Variants in TCERG1 observed in about 807,000 individuals in gnomAD.
TCERG1 encodes the protein transcription elongation regulator 1, also known as TATA box binding protein (TBP)-associated factor, RNA polymerase II, S, 150kD.
In TCERG1, 37 loss-of-function variants were observed where a neutral mutation model predicts 144.7. The observed-to-expected ratio is 0.26, with a 90% CI of 0.20 to 0.34. The LOEUF (loss-of-function observed/expected upper bound fraction) is 0.34. Among genes scored for constraint, TCERG1 ranks in the 10% least tolerant of loss-of-function variants. TCERG1 has a pLI of 1.00. For missense variants in TCERG1, 1,027 were observed against 1,380.7 expected, an observed-to-expected ratio of 0.74 and a Z score of 4.06; for synonymous variants, 492 against 458.2, an observed-to-expected ratio of 1.07 and a Z score of -0.94.
chr5:146,478,710 T>C (rs1765069490), intron 10 of TCERG1, 57 bp downstream of exon 10: 3 of 1,470,246 alleles, frequency 2.0e-6, no homozygotes, highest in East Asian at 4.8e-5. Context: ...CATATTTTGA[T>C]AGAAAATGTG....
In TCERG1 at chr5:146,455,258, C is replaced by G. The variant is rs1458336171; in HGVS notation, c.262C>G (p.Pro88Ala). Residue 88 changes from proline (P) to alanine (A), a missense_variant, in exon 2 of 23, where the codon CCT becomes GCT. Physicochemically the swap from Pro to Ala is conservative, Grantham distance 27. Transcript: ENST00000679501. Reference sequence around the variant, plus strand: ...GCCTCCTCCAGGAGGGATACCTCCACCTATGGGCCCTCCACACCTCCAGGT... The same window carrying G: ...GCCTCCTCCAGGAGGGATACCTCCAGCTATGGGCCCTCCACACCTCCAGGT... Reference protein sequence around the residue: ...PMPPPGGIPPPMGPPHLQRPP... With the variant: ...PMPPPGGIPPAMGPPHLQRPP... 1.9e-6 allele frequency: 3 copies of G among 1,614,098 alleles called. No homozygotes were observed. Among genetic ancestry groups the G allele is most frequent in the Non-Finnish European group, 2.5e-6 (3 of 1,180,048 alleles).
In TCERG1 at chr5:146,478,673, T is replaced by G; in HGVS notation, c.1762+20T>G. The G allele has an allele frequency of 6.4e-7, 1 of 1,552,126 alleles. No individual in the cohort carries two copies. Among genetic ancestry groups the G allele is most frequent in the Non-Finnish European group, 8.7e-7 (1 of 1,153,626 alleles). On this transcript the variant is annotated intron_variant, in intron 10 of 22. Coordinates refer to ENST00000679501, the MANE Select transcript of TCERG1 (RefSeq NM_001382548.1). Reference sequence around the variant, plus strand: ...AACTAAGTAAGTTTTAAATTAGGAATTTATCCACTGATTTTAACATTCTTT... The same window carrying G: ...AACTAAGTAAGTTTTAAATTAGGAAGTTATCCACTGATTTTAACATTCTTT...
Position 146,447,338 on chromosome 5 carries a change from C to G in TCERG1, c.-12C>G, listed in dbSNP as rs202159911. ...CGTCGGGTCGGCGGGTGGATGAACG[C>G]GGCCCTCTGTAATGGCGGAGCGTGG... On this transcript the variant is annotated 5_prime_UTR_variant, in exon 1 of 23. Transcript: ENST00000679501. 32 of 1,611,156 alleles carry G rather than the reference C, an allele frequency of 2.0e-5. No individual in the cohort carries two copies. Among genetic ancestry groups the G allele is most frequent in the Non-Finnish European group, 2.5e-5 (30 of 1,178,914 alleles).
chr5:146,477,703 T>C (rs1435536317), intron 9 of TCERG1, among the ~76,000 whole-genome samples: 1 of 145,994 alleles, frequency 6.8e-6, no homozygotes, highest in Non-Finnish European at 1.5e-5. Flanking sequence ...TTTTTTTTTT[T>C]TTTTTTTTTT....
intron 22 of TCERG1, among the ~76,000 whole-genome samples, chr5:146,509,676 A>T (rs565850389): frequency 6.6e-6 from 1 of 151,374 alleles, no homozygotes; most frequent in South Asian, 2.1e-4. Flanking sequence ...CAGCATAAAC[A>T]TTTTTTTTTC....
intron 3 of TCERG1, among the ~76,000 whole-genome samples, 183 bp downstream of exon 3, chr5:146,457,518 C>T (rs1762928595): frequency 6.6e-6 from 1 of 152,208 alleles, no homozygotes; most frequent in East Asian, 1.9e-4. Flanking sequence ...ATAAGGTTGC[C>T]TGGAGTGCTA....
chr5:146,498,789 G>C lies in TCERG1; in HGVS notation c.2433+103G>C, dbSNP rs1421503039. On this transcript the variant is annotated intron_variant, in intron 17 of 22. Transcript: ENST00000679501. ...ACCTTATTCATTGGCATAAATAATA[G>C]GACGTACATGGACTGTTCTTTTAAG... 4.3e-6 allele frequency: 5 copies of C among 1,150,112 alleles called. No homozygotes were observed. The African/African-American group carries it at 8.0e-5, about 18-fold the overall frequency. 71.2% of individuals were successfully genotyped at this position (1,150,112 alleles called of 1,614,324 possible).
At chr5:146,510,339 AAAT>A (rs1345703256) in intron 22 of TCERG1, 99 bp from the exon 23 acceptor site, 7 of 935,338 alleles carry the variant, frequency 7.5e-6, no homozygotes, top group Admixed American at 3.0e-5. Flanking sequence ...AAAAAAAAAA[AAAT>A]GGAAACACAA....
At chr5:146,466,321 A>G (rs1185125830) in intron 5 of TCERG1, among the ~76,000 whole-genome samples, 1 of 152,126 alleles carries the variant, frequency 6.6e-6, no homozygotes, top group Non-Finnish European at 1.5e-5. Context: ...ATAGTATTGT[A>G]TGGGTCTAAT....
intron 12 of TCERG1, 25 bp downstream of exon 12, chr5:146,480,119 G>C: frequency 1.3e-6 from 2 of 1,532,298 alleles, no homozygotes; most frequent in Non-Finnish European, 8.9e-7. Flanking sequence ...CGATTTGATT[G>C]AGGTAGATTA....
At chr5:146,494,289 C>T (rs924019373) in intron 16 of TCERG1, among the ~76,000 whole-genome samples, 2 of 152,218 alleles carry the variant, frequency 1.3e-5, no homozygotes, top group South Asian at 4.1e-4. Context: ...AGGCTTTACT[C>T]TCAGGAGTTG....
At chr5:146,505,028 G>A in intron 19 of TCERG1, among the ~76,000 whole-genome samples, 1 of 148,386 alleles carries the variant, frequency 6.7e-6, no homozygotes, top group Non-Finnish European at 1.5e-5. Context: ...CCTGGCGACA[G>A]AGTGAGACTC....
At chr5:146,480,315 T>A in intron 12 of TCERG1, 1 of 315,110 alleles carries the variant, frequency 3.2e-6, no homozygotes. Flanking sequence ...GTATTATGAC[T>A]CCAAATGATA....
intron 1 of TCERG1, among the ~76,000 whole-genome samples, chr5:146,450,953 C>T (rs1468583845): frequency 1.3e-5 from 2 of 152,200 alleles, no homozygotes; most frequent in Admixed American, 6.5e-5. Context: ...CTTACTCATT[C>T]ACATCTGAGG....
chr5:146,510,442 T>G lies in TCERG1; in HGVS notation c.3148T>G (p.Ser1050Ala). The change falls in exon 23 of 23, where the codon TCC (serine) becomes GCC (alanine). Residue 1050 changes from serine (S) to alanine (A), a missense_variant and splice_region_variant. By Grantham distance (99) the Ser-to-Ala change is moderately conservative. This residue lies in a region of TCERG1 where 133 missense variants were observed against 283.2 expected (regional missense o/e 0.47). Coordinates refer to ENST00000679501, the MANE Select transcript of TCERG1 (RefSeq NM_001382548.1). ...LKETKFITYR[S>A]KKLIQESDQH... Reference sequence around the variant, plus strand: ...TTGGACTTCTTTTTCTTATTTCAGATCCAAAAAATTAATCCAAGAATCAGA... The same window carrying G: ...TTGGACTTCTTTTTCTTATTTCAGAGCCAAAAAATTAATCCAAGAATCAGA... 6 of 1,611,200 alleles carry G rather than the reference T, an allele frequency of 3.7e-6. No homozygotes were observed. Among genetic ancestry groups the G allele is most frequent in the Non-Finnish European group, 5.1e-6 (6 of 1,177,660 alleles).
intron 1 of TCERG1, among the ~76,000 whole-genome samples, chr5:146,451,319 C>CTTTTTTTTTTT (rs56346846): frequency 1.4e-5 from 2 of 138,892 alleles, no homozygotes. Context: ...ATCCATATTC[C>CTTTTTTTTTTT]TTTTTTTTTT....
intron 5 of TCERG1, 113 bp from the exon 6 acceptor site, chr5:146,468,216 ATTCTTGGTCTTT>A: frequency 4.0e-6 from 3 of 745,434 alleles, no homozygotes; most frequent in Non-Finnish European, 6.1e-6. Flanking sequence ...ATTTTACTCC[ATTCTTGGTCTTT>A]TTCATTGGAA....
intron 9 of TCERG1, among the ~76,000 whole-genome samples, chr5:146,477,045 C>G (rs961811232): frequency 2.0e-5 from 3 of 152,158 alleles, no homozygotes; most frequent in Admixed American, 6.5e-5. Flanking sequence ...GTGAGAAGTA[C>G]GGGCGTGAGC....
chr5:146,476,268 A>G (rs1764831144), intron 9 of TCERG1, among the ~76,000 whole-genome samples: 1 of 152,212 alleles, frequency 6.6e-6, no homozygotes, highest in South Asian at 2.1e-4. Flanking sequence ...ATTTAGATCT[A>G]CCTGAAGATT....
Sources: allele counts gnomAD v4.1 joint callset (sites outside exome capture counted in the v4.1 genomes callset), GRCh38; gene constraint gnomAD v4.1.1; regional missense constraint gnomAD v4.1.1; transcripts MANE v1.5; gene names NCBI Gene and HGNC (gene_info 2026-07-23, HGNC 2026-07-21).